The following DRC10 variants were observed in gnomAD, a reference collection of about 807,000 sequenced individuals.
DRC10 encodes the protein dynein regulatory complex subunit 10, also known as IQ domain-containing protein D.
chr12:113,199,353 G>A, the DRC10 span, among the ~76,000 whole-genome samples: 12 of 152,182 alleles, frequency 7.9e-5, no homozygotes, highest in African/African-American at 2.6e-4. Context: ...CTATGATCAC[G>A]CCACTGCACT....
the DRC10 span, chr12:113,195,826 G>T: frequency 6.2e-7 from 1 of 1,613,634 alleles, no homozygotes; most frequent in Non-Finnish European, 8.5e-7. Flanking sequence ...TTGTGCCTCC[G>T]CCTGAGCTCC....
At chr12:113,206,789 G>A in the DRC10 span, among the ~76,000 whole-genome samples, 1 of 152,016 alleles carries the variant, frequency 6.6e-6, no homozygotes, top group East Asian at 1.9e-4. Context: ...GCCGGGCATA[G>A]TGGCTCATGC....
chr12:113,211,275 T>C, the DRC10 span, among the ~76,000 whole-genome samples: 3 of 152,236 alleles, frequency 2.0e-5, no homozygotes, highest in South Asian at 6.2e-4. Flanking sequence ...TTTGTAGATA[T>C]AGGGTCTTGC....
the DRC10 span, among the ~76,000 whole-genome samples, chr12:113,201,075 A>T: frequency 6.6e-6 from 1 of 151,906 alleles, no homozygotes; most frequent in East Asian, 2.0e-4. Context: ...GGAAGTAGAG[A>T]TTGCAGTGAG....
chr12:113,213,330 A>ACAGATTATTTCATCACC, the DRC10 span, among the ~76,000 whole-genome samples: 1 of 152,110 alleles, frequency 6.6e-6, no homozygotes. Flanking sequence ...GGTTTGGTGT[A>ACAGATTATTTCATCACC]CAGATTATTT....
chr12:113,200,576 G>A, the DRC10 span: 2 of 1,532,068 alleles, frequency 1.3e-6, no homozygotes, highest in Non-Finnish European at 8.7e-7. Context: ...GCTTCCCGGG[G>A]CACCTTCCTC....
At chr12:113,207,274 G>C in the DRC10 span, 1 of 712,374 alleles carries the variant, frequency 1.4e-6, no homozygotes, top group East Asian at 2.6e-5. Context: ...CTTGAACCTG[G>C]GAGGCAGAGG....
the DRC10 span, among the ~76,000 whole-genome samples, chr12:113,201,549 G>A: frequency 6.6e-6 from 1 of 152,218 alleles, no homozygotes; most frequent in Non-Finnish European, 1.5e-5. Context: ...GAAGGTGTGC[G>A]ATGAACACAG....
the DRC10 span, chr12:113,200,635 G>A: frequency 2.0e-6 from 3 of 1,536,070 alleles, no homozygotes; most frequent in Non-Finnish European, 2.6e-6. Flanking sequence ...GTAAAACTGT[G>A]ACTGCAGCTG....
chr12:113,216,388 T>C, the DRC10 span, among the ~76,000 whole-genome samples: 1 of 152,152 alleles, frequency 6.6e-6, no homozygotes, highest in African/African-American at 2.4e-5. Context: ...GAGGGATGAA[T>C]AGGCAGAACA....
chr12:113,214,626 G>A, the DRC10 span, among the ~76,000 whole-genome samples: 1 of 152,080 alleles, frequency 6.6e-6, no homozygotes, highest in East Asian at 1.9e-4. Context: ...GGAGATGCTG[G>A]CATAATAGGA....
the DRC10 span, chr12:113,197,446 T>G: frequency 1.2e-6 from 1 of 851,212 alleles, no homozygotes; most frequent in East Asian, 2.6e-5. Flanking sequence ...GTTTGCCCAC[T>G]CCATGGACCA....
the DRC10 span, among the ~76,000 whole-genome samples, chr12:113,219,711 C>T: frequency 1.3e-5 from 2 of 151,944 alleles, no homozygotes; most frequent in Non-Finnish European, 2.9e-5. Flanking sequence ...TTCGCTCTGT[C>T]GCCCAGGCTG....
At chr12:113,214,597 C>T in the DRC10 span, among the ~76,000 whole-genome samples, 1 of 150,062 alleles carries the variant, frequency 6.7e-6, no homozygotes, top group Non-Finnish European at 1.5e-5. Flanking sequence ...GATTTACCAA[C>T]AGGCTTGTCT....
At chr12:113,199,945 G>GTGCAATCACAGCTCAC in the DRC10 span, 1 of 197,744 alleles carries the variant, frequency 5.1e-6, no homozygotes, top group Non-Finnish European at 1.0e-5. Context: ...GAGTGCAGTG[G>GTGCAATCACAGCTCAC]TGCAATCACA....
At chr12:113,200,732 G>T in the DRC10 span, 4 of 1,536,064 alleles carry the variant, frequency 2.6e-6, no homozygotes, top group Non-Finnish European at 8.7e-7. Flanking sequence ...TGCTTAGTGC[G>T]AACGAGGCTG....
At chr12:113,196,605 C>T in the DRC10 span, among the ~76,000 whole-genome samples, 1 of 152,232 alleles carries the variant, frequency 6.6e-6, no homozygotes, top group Non-Finnish European at 1.5e-5. Flanking sequence ...AAGCTCCCCT[C>T]TCCAGGCCCT....
the DRC10 span, among the ~76,000 whole-genome samples, chr12:113,197,991 C>T: frequency 3.3e-5 from 5 of 152,110 alleles, no homozygotes; most frequent in African/African-American, 4.8e-5. Flanking sequence ...CTGAGGCAGG[C>T]GGGTCACTTG....
chr12:113,209,043 T>C, the DRC10 span, among the ~76,000 whole-genome samples: 3 of 152,194 alleles, frequency 2.0e-5, no homozygotes, highest in Admixed American at 2.0e-4. Flanking sequence ...GTGATTCTCC[T>C]GCCTCAGCCT....
Sources: gnomAD v4.1 joint callset for allele counts (sites outside exome capture counted in the v4.1 genomes callset) on GRCh38, gnomAD v4.1.1 for gene constraint, MANE v1.5 for transcripts, NCBI Gene and HGNC (gene_info 2026-07-23, HGNC 2026-07-21) for gene names.